The following NUMA1 variants were observed in gnomAD, a reference collection of about 807,000 sequenced individuals.
NUMA1 encodes the protein nuclear mitotic apparatus protein 1.
A neutral mutation model predicts 237.1 loss-of-function variants in NUMA1; 62 were observed. The observed-to-expected ratio is 0.26, with a 90% CI of 0.21 to 0.32. NUMA1 has a LOEUF of 0.32. Among genes scored for constraint, NUMA1 ranks in the 10% least tolerant of loss-of-function variants. The pLI, the probability that NUMA1 is intolerant of heterozygous loss-of-function variation, is 1.00. For missense variants in NUMA1, 2,533 were observed against 2,666.5 expected (o/e 0.95, Z 1.10); for synonymous variants, 1,028 against 1,066.1 (o/e 0.96, Z 0.70).
Position 72,030,363 on chromosome 11 carries a change from GA to G in NUMA1, c.43-1074del, listed in dbSNP as rs369584159. 3.7e-3 allele frequency among the ~76,000 whole-genome samples: 488 copies of G among 131,192 alleles called. 5 individuals are homozygous for G. The highest frequency in any genetic ancestry group is 0.012 in the African/African-American group (438 of 35,784). The allele number at this position is 131,192 out of a possible 152,430, so 86.1% of individuals were successfully genotyped here. A position where few individuals can be genotyped will look rare whatever the true frequency, so the allele number is the denominator to read the frequency against. ...AAGGAAAAAAAAAAAGAAAAGAAAA[GA>G]AAAAAAAAGGGGGCGGTGGGGGATG... On this transcript the variant is annotated intron_variant, in intron 3 of 26. Transcript: ENST00000393695.
intron 2 of NUMA1, among the ~76,000 whole-genome samples, chr11:72,057,598 G>C (rs1942725367): frequency 6.6e-6 from 1 of 151,238 alleles, no homozygotes; most frequent in South Asian, 2.1e-4. Context: ...ACAAAAATCA[G>C]TTGGGCATGG....
intron 2 of NUMA1, 104 bp from the exon 3 acceptor site, chr11:72,036,079 A>C: frequency 2.5e-6 from 2 of 811,840 alleles, no homozygotes; most frequent in South Asian, 1.5e-5. Context: ...CACTTAAATC[A>C]CTCTTCACTG....
chr11:72,062,939 C>T (rs1266068094), intron 2 of NUMA1, among the ~76,000 whole-genome samples: 2 of 151,976 alleles, frequency 1.3e-5, no homozygotes, highest in African/African-American at 2.4e-5. Flanking sequence ...CGTGGTGGCA[C>T]ATGCCTGTCA....
In NUMA1 at chr11:72,035,956, A is replaced by G; in HGVS notation, c.-13T>C. The G allele has an allele frequency of 6.2e-7, 1 of 1,613,884 alleles. No individual in the cohort carries two copies. Among genetic ancestry groups the G allele is most frequent in the Non-Finnish European group, 8.5e-7 (1 of 1,179,784 alleles). Reference sequence around the variant, plus strand: ...CGTGGAGTGTCATCTTGGTGATGCCAGACAGTCACTCCAATGCGCCTGGAA... The same window carrying G: ...CGTGGAGTGTCATCTTGGTGATGCCGGACAGTCACTCCAATGCGCCTGGAA... On this transcript the variant is annotated 5_prime_UTR_variant, in exon 3 of 27. Coordinates refer to ENST00000393695, the MANE Select transcript of NUMA1 (RefSeq NM_006185.4).
intron 3 of NUMA1, among the ~76,000 whole-genome samples, chr11:72,032,222 A>G (rs1043612058): frequency 6.6e-6 from 1 of 152,156 alleles, no homozygotes; most frequent in Non-Finnish European, 1.5e-5. Flanking sequence ...TTTAACGTGA[A>G]ATAAAATATG....
intron 14 of NUMA1, 23 bp downstream of exon 14, chr11:72,016,385 C>T: frequency 1.2e-6 from 2 of 1,612,338 alleles, no homozygotes; most frequent in Non-Finnish European, 1.7e-6. Context: ...CAGCAGCACA[C>T]AGGTCTTTCT....
At chr11:72,039,615 C>T (rs1356858253) in intron 2 of NUMA1, 2 of 152,298 alleles carry the variant, frequency 1.3e-5, no homozygotes, top group Non-Finnish European at 2.9e-5. Context: ...GGGTCCTTCC[C>T]AGAACCCCAC....
chr11:72,015,122 G>C lies in NUMA1; in HGVS notation c.2381C>G (p.Ala794Gly), dbSNP rs3750913. The change falls in exon 15 of 27, where the codon GCT becomes GGT. Residue 794 changes from alanine (A) to glycine (G), a missense_variant. Around this residue, in one of 3 missense-constraint regions of NUMA1, gnomAD observed 1,414 missense variants for 1,508.1 expected, o/e 0.94. Transcript: ENST00000393695. This position sits in a 1 kb window ranked among gnomAD's most constrained non-coding sequence, Gnocchi z 4.0. ...VLRRELAEAMAAQHTAESECE... is the reference protein window; with the variant it reads ...VLRRELAEAMGAQHTAESECE... ...CTCACTCTCAGCTGTGTGCTGGGCA[G>C]CCATGGCCTCTGCCAGCTCCCGCCG... The C allele has an allele frequency of 0.03, 48,959 of 1,613,474 alleles. 817 individuals are homozygous for C. Among genetic ancestry groups the C allele is most frequent in the East Asian group, 0.064 (2,886 of 44,884 alleles).
chr11:72,036,038 A>G (rs182203805), intron 2 of NUMA1, 63 bp from the exon 3 acceptor site: 172 of 1,310,520 alleles, frequency 1.3e-4, no homozygotes, highest in Admixed American at 2.4e-4. Flanking sequence ...CAAGAAATAA[A>G]GGCGAAATGG....
rs146932177 is a variant in NUMA1, at chr11:72,024,314, C to T, written c.168G>A (p.Pro56=). ...ACACAAAGTCCAGTCTCTCTGACAC[C>T]GGCTGCTTCAAGATTTGCTGTCCCT... ...TEEGQQILKQ[P]VSERLDFVCS... Residue 56 remains proline (P), a synonymous_variant, in exon 5 of 27, where the codon CCG becomes CCA. Coordinates refer to ENST00000393695, the MANE Select transcript of NUMA1 (RefSeq NM_006185.4). 2.4e-5 allele frequency: 38 copies of T among 1,614,186 alleles called. No homozygotes were observed. Among genetic ancestry groups the T allele is most frequent in the African/African-American group, 1.2e-4 (9 of 75,048 alleles).
intron 1 of NUMA1, among the ~76,000 whole-genome samples, chr11:72,073,306 CAAAA>C (rs58179034): frequency 1.4e-5 from 1 of 69,254 alleles, no homozygotes. Flanking sequence ...GACCCTGTCT[CAAAA>C]AAAAAAAAAA....
rs146223910 is a variant in NUMA1, at chr11:72,014,534, T to C, written c.2969A>G (p.Glu990Gly). ...ELERLRAALM[E>G]SQGQQQEERG... ...CTCCTCCTGCTGCTGCCCCTGGCTCTCCATCAGCGCGGCCCGCAGCCGTTC... is the reference window on the plus strand; with the variant it reads ...CTCCTCCTGCTGCTGCCCCTGGCTCCCCATCAGCGCGGCCCGCAGCCGTTC... Residue 990 changes from glutamate to glycine, a missense_variant, in exon 15 of 27, where the codon GAG (glutamate) becomes GGG (glycine). Coordinates refer to ENST00000393695, the MANE Select transcript of NUMA1 (RefSeq NM_006185.4). This position sits in a 1 kb window ranked among gnomAD's most constrained non-coding sequence, Gnocchi z 4.6. 61 of 1,602,110 alleles carry C rather than the reference T, an allele frequency of 3.8e-5. No individual in the cohort carries two copies. The highest frequency in any genetic ancestry group is 4.6e-5 in the Non-Finnish European group (54 of 1,179,970).
At chr11:72,023,042 C>A (rs1939103482) in intron 6 of NUMA1, 23 bp downstream of exon 6, 4 of 1,591,098 alleles carry the variant, frequency 2.5e-6, no homozygotes, top group Non-Finnish European at 3.5e-6. Context: ...CCCTGCCTCC[C>A]CAGTCTGGTA....
At chr11:72,008,166 G>C (rs971327420) in intron 20 of NUMA1, 3 of 475,034 alleles carry the variant, frequency 6.3e-6, no homozygotes, top group Admixed American at 2.4e-5. Flanking sequence ...ATAAGTAAAT[G>C]TAAGTGTTTA....
intron 2 of NUMA1, among the ~76,000 whole-genome samples, chr11:72,044,207 G>T (rs1406812828): frequency 6.6e-6 from 1 of 152,128 alleles, no homozygotes; most frequent in Non-Finnish European, 1.5e-5. Flanking sequence ...TTTGACATTG[G>T]CAAGAAACTT....
intron 4 of NUMA1, among the ~76,000 whole-genome samples, chr11:72,027,751 T>C (rs1358114399): frequency 1.3e-5 from 2 of 152,148 alleles, no homozygotes; most frequent in African/African-American, 2.4e-5. Flanking sequence ...TTGAGAAAGA[T>C]TCTTGAGAAC....
chr11:72,005,027 TC>T (rs1208632166), intron 23 of NUMA1, among the ~76,000 whole-genome samples: 1 of 152,098 alleles, frequency 6.6e-6, no homozygotes, highest in Non-Finnish European at 1.5e-5. Flanking sequence ...CTGACCAGAT[TC>T]CTCTCTGAGC....
chr11:72,009,221 T>G, intron 18 of NUMA1, 36 bp from the exon 19 acceptor site: 1 of 1,572,580 alleles, frequency 6.4e-7, no homozygotes, highest in Non-Finnish European at 8.6e-7. Context: ...GGGGTAGAGG[T>G]TGAAGGGCAG....
chr11:72,009,198 A>AGGGGGGGGGGGGGGGG lies in NUMA1; in HGVS notation c.4840-14_4840-13insCCCCCCCCCCCCCCCC. ...TGGCTTTCTCCATCTGTGGGCAGAG[A>AGGGGGGGGGGGGGGGG]GGGTGGGTGGGTGGGGTAGAGGTTG... On this transcript the variant is annotated splice_polypyrimidine_tract_variant and intron_variant, in intron 18 of 26. Coordinates refer to ENST00000393695, the MANE Select transcript of NUMA1 (RefSeq NM_006185.4). The AGGGGGGGGGGGGGGGG allele has an allele frequency of 1.9e-5, 1 of 53,704 alleles. No homozygotes were observed. The highest frequency in any genetic ancestry group is 4.5e-4 in the East Asian group (1 of 2,212). The allele number at this position is 53,704 out of a possible 1,614,324, so 3.3% of individuals were successfully genotyped here. A position where few individuals can be genotyped will look rare whatever the true frequency, so the allele number is the denominator to read the frequency against.
Sources: gnomAD v4.1 joint callset for allele counts (sites outside exome capture counted in the v4.1 genomes callset) on GRCh38, gnomAD v4.1.1 for gene constraint, gnomAD v4.1.1 regional missense constraint, Gnocchi (gnomAD v3.1) non-coding constraint, MANE v1.5 for transcripts, NCBI Gene and HGNC (gene_info 2026-07-23, HGNC 2026-07-21) for gene names.